PACS2: variants seen among roughly 807,000 people sequenced by gnomAD.
PACS2 encodes the protein PACS1-like protein.
Under a neutral mutation model 113.0 loss-of-function variants are expected in PACS2, and 36 were observed. That is an observed-to-expected ratio of 0.32 (90% CI 0.24 to 0.42). The LOEUF (loss-of-function observed/expected upper bound fraction) is 0.42. Ranked by LOEUF, PACS2 falls within the 10% of genes least tolerant of loss-of-function variation. PACS2 has a pLI of 1.00. For missense variants in PACS2, 1,015 were observed against 1,239.5 expected, an observed-to-expected ratio of 0.82 and a Z score of 2.72; for synonymous variants, 589 against 536.1, an observed-to-expected ratio of 1.10 and a Z score of -1.36.
rs1368886338 is a variant in PACS2, at chr14:105,329,691, G to T, written c.119+14654G>T. Reference sequence around the variant, plus strand: ...CCCCTTGTCTAGGTGCGCACCTGGAGTCCTTTCCTGCGTGACTTGCAAACA... The same window carrying T: ...CCCCTTGTCTAGGTGCGCACCTGGATTCCTTTCCTGCGTGACTTGCAAACA... On this transcript the variant is annotated intron_variant, in intron 1 of 24. Coordinates refer to ENST00000447393, the MANE Select transcript of PACS2 (RefSeq NM_001100913.3). This position sits in a 1 kb window ranked among gnomAD's most constrained non-coding sequence, Gnocchi z 6.4. Among the ~76,000 whole-genome samples, 2 of 152,190 alleles carry T rather than the reference G, an allele frequency of 1.3e-5. No individual in the cohort carries two copies. Among genetic ancestry groups the T allele is most frequent in the Non-Finnish European group, 2.9e-5 (2 of 68,032 alleles).
rs889316367 is a variant in PACS2 at position 105,330,874 on chromosome 14, A to C, written c.119+15837A>C. Among the ~76,000 whole-genome samples the C allele has an allele frequency of 6.6e-6, 1 of 151,838 alleles. No individual in the cohort carries two copies. The highest frequency in any genetic ancestry group is 2.4e-5 in the African/African-American group (1 of 41,296). ...GCCAGCTGTGCCCCATGCAGCCTCT[A>C]CCGGCATCTCACGTGATGTCAACCT... is the stretch of plus-strand genomic sequence containing the variant. On this transcript the variant is annotated intron_variant, in intron 1 of 24. Coordinates refer to ENST00000447393, the MANE Select transcript of PACS2 (RefSeq NM_001100913.3). The surrounding 1 kb of genome is among the most constrained non-coding windows in gnomAD (Gnocchi z 6.9).
Position 105,330,449 on chromosome 14 carries a change from G to T in PACS2, c.119+15412G>T, listed in dbSNP as rs1037629370. Among the ~76,000 whole-genome samples, 1 of 152,332 alleles carries T rather than the reference G, an allele frequency of 6.6e-6. No homozygotes were observed. Reference sequence around the variant, plus strand: ...ATAGTGATGTCCTGCCTTAGACGAGGTCACACAGGGGAAGGTTACTGTGCC... The same window carrying T: ...ATAGTGATGTCCTGCCTTAGACGAGTTCACACAGGGGAAGGTTACTGTGCC... On this transcript the variant is annotated intron_variant, in intron 1 of 24. Transcript: ENST00000447393. This position sits in a 1 kb window ranked among gnomAD's most constrained non-coding sequence, Gnocchi z 6.9.
upstream of PACS2, among the ~76,000 whole-genome samples, chr14:105,310,889 G>A (rs1482449287): frequency 6.6e-6 from 1 of 152,198 alleles, no homozygotes; most frequent in Non-Finnish European, 1.5e-5. Context: ...CCTGAAAATA[G>A]GTGTTTTATA....
chr14:105,372,562 T>C (rs2061195876), intron 8 of PACS2: 1 of 152,220 alleles, frequency 6.6e-6, no homozygotes, highest in Admixed American at 6.5e-5. Flanking sequence ...TTTATATATT[T>C]TTAACACAAT....
At position 105,317,561 on chromosome 14, in the gene PACS2, A is replaced by T. The variant is rs898923801; in HGVS notation, c.119+2524A>T. 1.3e-5 allele frequency among the ~76,000 whole-genome samples: 2 copies of T among 152,020 alleles called. No homozygotes were observed. The highest frequency in any genetic ancestry group is 6.6e-5 in the Admixed American group (1 of 15,258). Reference sequence around the variant, plus strand: ...GGTTTTAACTTGAATTTCTCTGATTACTAATTTAGGCCATTTGTACTTCCT... The same window carrying T: ...GGTTTTAACTTGAATTTCTCTGATTTCTAATTTAGGCCATTTGTACTTCCT... On this transcript the variant is annotated intron_variant, in intron 1 of 24. Transcript: ENST00000447393. The surrounding 1 kb of genome is among the most constrained non-coding windows in gnomAD (Gnocchi z 4.2).
At chr14:105,363,811 C>T (rs1477341342) in intron 4 of PACS2, among the ~76,000 whole-genome samples, 1 of 152,124 alleles carries the variant, frequency 6.6e-6, no homozygotes, top group African/African-American at 2.4e-5. Context: ...TCAGTCATTT[C>T]TAGGTTCTCA....
At chr14:105,367,437 G>C in intron 5 of PACS2, 62 bp downstream of exon 5, 1 of 1,532,488 alleles carries the variant, frequency 6.5e-7, no homozygotes, top group Non-Finnish European at 9.0e-7. Context: ...TCCAGCCATG[G>C]CACATCGGGT....
At chr14:105,381,127 G>A (rs782292735) in intron 12 of PACS2, 28 bp downstream of exon 12, 21 of 1,597,468 alleles carry the variant, frequency 1.3e-5, no homozygotes, top group Middle Eastern at 3.4e-4. Context: ...GCGGGGCGGG[G>A]CGGTGATGCA....
intron 12 of PACS2, among the ~76,000 whole-genome samples, chr14:105,381,588 T>G (rs1160059498): frequency 6.6e-6 from 1 of 152,254 alleles, no homozygotes; most frequent in African/African-American, 2.4e-5. Flanking sequence ...CACCTGGCTC[T>G]GCCCAGCTCT....
At chr14:105,370,061 G>T in intron 8 of PACS2, 161 bp downstream of exon 8, 1 of 625,596 alleles carries the variant, frequency 1.6e-6, no homozygotes, top group Non-Finnish European at 2.7e-6. Context: ...AGTGACAGTG[G>T]CACTGCCTCC....
intron 1 of PACS2, among the ~76,000 whole-genome samples, chr14:105,303,465 G>C (rs1435557897): frequency 6.6e-6 from 1 of 151,886 alleles, no homozygotes; most frequent in Non-Finnish European, 1.5e-5. Context: ...GGATGGTCTT[G>C]ATCTCCTGAC....
rs782480714 is a variant in PACS2, at chr14:105,369,832, G to A, written c.742-9G>A. ...CGGCGGCTCTGACTCTGCACCGCCT[G>A]TCTTGCAGCAACAGAACTTCAAGCA... On this transcript the variant is annotated splice_polypyrimidine_tract_variant and intron_variant, in intron 7 of 24. Transcript: ENST00000447393. The A allele has an allele frequency of 1.3e-6, 2 of 1,584,200 alleles. No individual in the cohort carries two copies. The highest frequency in any genetic ancestry group is 3.5e-5 in the Admixed American group (2 of 57,700).
At position 105,329,747 on chromosome 14, in the gene PACS2, C is replaced by T. The variant is rs761831785; in HGVS notation, c.119+14710C>T. Among the ~76,000 whole-genome samples, 13 of 152,310 alleles carry T rather than the reference C, an allele frequency of 8.5e-5. No homozygotes were observed. The highest frequency in any genetic ancestry group is 2.0e-4 in the Admixed American group (3 of 15,302). ...TGCAGGGCTCTAGTGTATCAGCTCC[C>T]GGACTGCAGGCAGCAGCAAACTCTG... On this transcript the variant is annotated intron_variant, in intron 1 of 24. Transcript: ENST00000447393. This position sits in a 1 kb window ranked among gnomAD's most constrained non-coding sequence, Gnocchi z 6.4.
intron 20 of PACS2, chr14:105,390,324 G>C (rs587677409): frequency 2.5e-6 from 1 of 400,832 alleles, no homozygotes. Context: ...CTGCCTGCCC[G>C]GGTTGGGGAG....
chr14:105,380,651 C>T (rs2080957847), intron 11 of PACS2, among the ~76,000 whole-genome samples: 1 of 152,218 alleles, frequency 6.6e-6, no homozygotes. Context: ...GTGGATGGCA[C>T]CCAGGAACGC....
chr14:105,304,592 G>A (rs906432286), intron 1 of PACS2, among the ~76,000 whole-genome samples: 1 of 152,258 alleles, frequency 6.6e-6, no homozygotes, highest in Non-Finnish European at 1.5e-5. Context: ...GCTCAGATGG[G>A]CTGCAGAGGA....
upstream of PACS2, chr14:105,314,273 A>AG (rs1365875519): frequency 7.0e-4 from 77 of 109,842 alleles, no homozygotes; most frequent in African/African-American, 2.4e-3. Context: ...CGGCGAGGGC[A>AG]GGGGGGCGGG....
intron 20 of PACS2, chr14:105,390,297 T>A: frequency 2.1e-6 from 1 of 467,762 alleles, no homozygotes; most frequent in Non-Finnish European, 3.9e-6. Flanking sequence ...TGGCCCCACG[T>A]CTCAGGAGAG....
At chr14:105,384,802 C>T (rs899661688) in intron 17 of PACS2, 77 bp from the exon 18 acceptor site, 56 of 954,396 alleles carry the variant, frequency 5.9e-5, no homozygotes, top group East Asian at 1.3e-4. Context: ...GGCGGGGCAC[C>T]GGGGAGGCCC....
Sources: gnomAD v4.1 joint callset for allele counts (sites outside exome capture counted in the v4.1 genomes callset) on GRCh38, gnomAD v4.1.1 for gene constraint, Gnocchi (gnomAD v3.1) non-coding constraint, MANE v1.5 for transcripts, NCBI Gene and HGNC (gene_info 2026-07-23, HGNC 2026-07-21) for gene names.